The following CAMK2A variants were observed in gnomAD, a reference collection of about 807,000 sequenced individuals.
CAMK2A encodes the protein calcium/calmodulin dependent protein kinase II alpha, also known as calcium/calmodulin-dependent protein kinase type II subunit alpha.
A neutral mutation model predicts 79.2 loss-of-function variants in CAMK2A; 7 were observed. That is an observed-to-expected ratio of 0.09 (90% CI 0.05 to 0.17). The LOEUF (loss-of-function observed/expected upper bound fraction) is 0.17, where lower values mean the gene tolerates loss of function less well. CAMK2A is among the 10% of genes least tolerant of loss of function. The probability of loss-of-function intolerance (pLI) is 1.00; values close to 1 mark genes in which losing one functional copy is unlikely to be tolerated. For synonymous variants in CAMK2A, 242 were observed against 251.7 expected (o/e 0.96, Z 0.36); for missense variants, 214 against 646.4 (o/e 0.33, Z 7.25).
intron 16 of CAMK2A, among the ~76,000 whole-genome samples, chr5:150,230,037 C>T (rs1403873269): frequency 6.6e-6 from 1 of 152,032 alleles, no homozygotes; most frequent in African/African-American, 2.4e-5. Context: ...CCTGGCAGGC[C>T]GGGCGGGCTC....
At chr5:150,245,364 C>T (rs1359518341) in intron 12 of CAMK2A, 163 bp from the exon 13 acceptor site, 1 of 612,806 alleles carries the variant, frequency 1.6e-6, no homozygotes, top group Non-Finnish European at 2.8e-6. Flanking sequence ...CCTCCTCCTC[C>T]TCCTCCTCCT....
chr5:150,253,323 G>T, intron 7 of CAMK2A, 121 bp downstream of exon 7: 1 of 751,320 alleles, frequency 1.3e-6, no homozygotes, highest in Non-Finnish European at 2.3e-6. Context: ...TGCTCTACCA[G>T]CCCCGGCTGG....
At chr5:150,276,863 C>T (rs10515639) in intron 1 of CAMK2A, among the ~76,000 whole-genome samples, 36,398 of 151,970 alleles carry the variant, frequency 0.24, 4,680 homozygotes, top group African/African-American at 0.31. Flanking sequence ...AGGCAAAACT[C>T]CATTCTAGGT....
chr5:150,248,458 T>C (rs1319675509), intron 11 of CAMK2A, among the ~76,000 whole-genome samples: 2 of 150,548 alleles, frequency 1.3e-5, no homozygotes, highest in Non-Finnish European at 1.5e-5. Flanking sequence ...TTACATTAGG[T>C]ATATCTCCTA....
intron 12 of CAMK2A, among the ~76,000 whole-genome samples, chr5:150,245,820 C>T (rs892585668): frequency 6.6e-6 from 1 of 152,208 alleles, no homozygotes; most frequent in Admixed American, 6.5e-5. Context: ...GGCTATGGCC[C>T]GGGTGGCAGG....
In CAMK2A at chr5:150,223,876, C is replaced by T. The variant is rs1754470010; in HGVS notation, c.1238-659G>A. 6.6e-6 allele frequency among the ~76,000 whole-genome samples: 1 copy of T among 152,230 alleles called. No individual in the cohort carries two copies. Reference sequence around the variant, plus strand: ...AAAACATCATGCAAGCCAAGTGAAACATATCTACAGTTCAGACACGGCCCG... The same window carrying T: ...AAAACATCATGCAAGCCAAGTGAAATATATCTACAGTTCAGACACGGCCCG... On this transcript the variant is annotated intron_variant, in intron 17 of 18. Coordinates refer to ENST00000671881, the MANE Select transcript of CAMK2A (RefSeq NM_015981.4). The surrounding 1 kb of genome is among the most constrained non-coding windows in gnomAD (Gnocchi z 4.1).
intron 1 of CAMK2A, among the ~76,000 whole-genome samples, chr5:150,277,497 C>A (rs1354394670): frequency 6.6e-6 from 1 of 152,204 alleles, no homozygotes; most frequent in African/African-American, 2.4e-5. Flanking sequence ...GCCGTAAGAG[C>A]TACGTCTATA....
chr5:150,260,458 CA>C (rs11374999), intron 3 of CAMK2A, among the ~76,000 whole-genome samples: 5,794 of 115,416 alleles, frequency 0.05, 342 homozygotes, highest in African/African-American at 0.16. Flanking sequence ...GAGTCCGTCT[CA>C]AAAAAAAAAA....
At chr5:150,244,520 G>A (rs1195326205) in intron 13 of CAMK2A, among the ~76,000 whole-genome samples, 2 of 152,258 alleles carry the variant, frequency 1.3e-5, no homozygotes, top group Non-Finnish European at 2.9e-5. Flanking sequence ...CCAGAGAGCA[G>A]AGGGAGAAGA....
chr5:150,248,413 G>A (rs1020526547), intron 11 of CAMK2A, among the ~76,000 whole-genome samples: 6 of 150,538 alleles, frequency 4.0e-5, no homozygotes, highest in Non-Finnish European at 8.9e-5. Context: ...GTATACATGT[G>A]CCACGTTGGT....
chr5:150,250,318 A>G lies in CAMK2A; in HGVS notation c.817-9T>C. The G allele has an allele frequency of 6.2e-7, 1 of 1,611,864 alleles. No individual in the cohort carries two copies. Among genetic ancestry groups the G allele is most frequent in the Non-Finnish European group, 8.5e-7 (1 of 1,178,274 alleles). On this transcript the variant is annotated splice_polypyrimidine_tract_variant and intron_variant, in intron 10 of 18. Coordinates refer to ENST00000671881, the MANE Select transcript of CAMK2A (RefSeq NM_015981.4). Reference sequence around the variant, plus strand: ...GCCACGGTGGAGCGGTGCTGGAGGAAGTAGGGGAGAGGGCTGTGAGTGGAA... The same window carrying G: ...GCCACGGTGGAGCGGTGCTGGAGGAGGTAGGGGAGAGGGCTGTGAGTGGAA...
At chr5:150,259,833 G>A (rs1414102325) in intron 3 of CAMK2A, among the ~76,000 whole-genome samples, 1 of 152,074 alleles carries the variant, frequency 6.6e-6, no homozygotes, top group Non-Finnish European at 1.5e-5. Flanking sequence ...GCTGGGTGTG[G>A]TGGCAGACGC....
At chr5:150,239,147 G>C (rs1056165756) in intron 14 of CAMK2A, among the ~76,000 whole-genome samples, 1 of 152,136 alleles carries the variant, frequency 6.6e-6, no homozygotes, top group Admixed American at 6.5e-5. Flanking sequence ...GAGATGGTGG[G>C]CTCTTCAGAG....
At chr5:150,241,909 C>T (rs1464399110) in intron 13 of CAMK2A, among the ~76,000 whole-genome samples, 2 of 152,188 alleles carry the variant, frequency 1.3e-5, no homozygotes, top group African/African-American at 4.8e-5. Flanking sequence ...AGGGGCCAGG[C>T]CCCACACAGC....
In CAMK2A at chr5:150,244,510, C is replaced by T. The variant is rs1447353437; in HGVS notation, c.984+651G>A. Among the ~76,000 whole-genome samples the T allele has an allele frequency of 3.9e-5, 6 of 152,166 alleles. No individual in the cohort carries two copies. The East Asian group carries it at 5.8e-4, about 15-fold the overall frequency. ...ACTGCAGAGAGCAGGGGACCAGGCC[C>T]CAGAGAGCAGAGGGAGAAGAGAGAA... On this transcript the variant is annotated intron_variant, in intron 13 of 18. Transcript: ENST00000671881.
intron 2 of CAMK2A, among the ~76,000 whole-genome samples, chr5:150,267,471 G>C (rs569635627): frequency 8.5e-4 from 129 of 152,346 alleles, no homozygotes; most frequent in Non-Finnish European, 1.5e-3. Flanking sequence ...CGCTGGCCAT[G>C]CAACTGTAAA....
chr5:150,289,870 C>G, upstream of CAMK2A: 2 of 523,110 alleles, frequency 3.8e-6, no homozygotes, highest in Non-Finnish European at 6.8e-6. Flanking sequence ...CCCGTTGCCC[C>G]GGTAACTGCC....
intron 1 of CAMK2A, among the ~76,000 whole-genome samples, chr5:150,278,770 C>T (rs1031954600): frequency 1.3e-5 from 2 of 151,910 alleles, no homozygotes; most frequent in Non-Finnish European, 2.9e-5. Context: ...GTGCAAGGGG[C>T]GGGTGTCTGG....
At chr5:150,270,317 C>G (rs1756696554) in intron 2 of CAMK2A, among the ~76,000 whole-genome samples, 1 of 152,226 alleles carries the variant, frequency 6.6e-6, no homozygotes. Flanking sequence ...GGGATTAGAA[C>G]AGGCAAAATT....
Sources: allele counts gnomAD v4.1 joint callset (sites outside exome capture counted in the v4.1 genomes callset), GRCh38; gene constraint gnomAD v4.1.1; non-coding constraint Gnocchi (gnomAD v3.1); transcripts MANE v1.5; gene names NCBI Gene and HGNC (gene_info 2026-07-23, HGNC 2026-07-21).